CRB1: variants seen among roughly 807,000 people sequenced by gnomAD.
The protein encoded by CRB1 is crumbs cell polarity complex component 1, also known as protein crumbs homolog 1.
A neutral mutation model predicts 120.0 loss-of-function variants in CRB1; 83 were observed. The observed-to-expected ratio is 0.69, with a 90% CI of 0.58 to 0.83. The LOEUF (loss-of-function observed/expected upper bound fraction) is 0.83, where lower values mean the gene tolerates loss of function less well. Ranked by LOEUF, CRB1 falls within the 40% of genes least tolerant of loss-of-function variation. CRB1 has a pLI of 0.00. For missense variants in CRB1, 1,699 were observed against 1,687.6 expected (o/e 1.01, Z -0.12); for synonymous variants, 625 against 612.5 (o/e 1.02, Z -0.30).
intron 4 of CRB1, among the ~76,000 whole-genome samples, chr1:197,353,902 T>C (rs1019973357): frequency 1.3e-5 from 2 of 149,072 alleles, no homozygotes; most frequent in Admixed American, 6.7e-5. Context: ...ATCAGTGTTA[T>C]ATGTGCATCC....
intron 11 of CRB1, among the ~76,000 whole-genome samples, chr1:197,446,506 C>G (rs1665708635): frequency 6.6e-6 from 1 of 152,108 alleles, no homozygotes; most frequent in African/African-American, 2.4e-5. Context: ...TACACCTTGG[C>G]AGAGGCCTTG....
intron 5 of CRB1, among the ~76,000 whole-genome samples, chr1:197,410,572 T>C (rs1307272978): frequency 6.6e-6 from 1 of 152,220 alleles, no homozygotes; most frequent in African/African-American, 2.4e-5. Flanking sequence ...ATTTAATCCT[T>C]ATTAGTGGCC....
intron 5 of CRB1, among the ~76,000 whole-genome samples, chr1:197,360,845 A>T (rs765295207): frequency 2.6e-5 from 4 of 152,204 alleles, no homozygotes; most frequent in Non-Finnish European, 4.4e-5. Context: ...GTCTTGCTTC[A>T]TTCACCATTT....
intron 9 of CRB1, among the ~76,000 whole-genome samples, chr1:197,436,203 T>G (rs962366797): frequency 2.0e-5 from 3 of 152,132 alleles, no homozygotes; most frequent in African/African-American, 7.2e-5. Context: ...ACATATTTTG[T>G]ATGTCATATT....
rs149673749 is a variant in CRB1 at position 197,331,268 on chromosome 1, A to G, written c.652+2265A>G. On this transcript the variant is annotated intron_variant, in intron 2 of 11. Transcript: ENST00000367400. ...GTTCTAAGTTTTACAATTCTTCCAT[A>G]TATTTCTGGGCACCCTTCCCCATCC... Among the ~76,000 whole-genome samples, 29 of 152,284 alleles carry G rather than the reference A, an allele frequency of 1.9e-4. No individual in the cohort carries two copies. In the East Asian group the frequency reaches 4.6e-3, roughly 24 times the overall value.
At chr1:197,416,515 A>C (rs1664011071) in intron 5 of CRB1, among the ~76,000 whole-genome samples, 1 of 152,154 alleles carries the variant, frequency 6.6e-6, no homozygotes. Flanking sequence ...GTACTCTGAG[A>C]GTACATCATA....
At chr1:197,314,135 C>T (rs1657709178) in intron 1 of CRB1, among the ~76,000 whole-genome samples, 1 of 152,204 alleles carries the variant, frequency 6.6e-6, no homozygotes, top group Non-Finnish European at 1.5e-5. Flanking sequence ...TTTCTCCTCT[C>T]CCTCTGGTAC....
intron 5 of CRB1, among the ~76,000 whole-genome samples, chr1:197,385,213 G>T (rs189084045): frequency 6.6e-6 from 1 of 152,256 alleles, no homozygotes; most frequent in African/African-American, 2.4e-5. Context: ...CGAATTAGTT[G>T]TACAACTGTA....
chr1:197,328,284 T>C, intron 1 of CRB1, 138 bp from the exon 2 acceptor site: 1 of 666,894 alleles, frequency 1.5e-6, no homozygotes, highest in Non-Finnish European at 2.6e-6. Context: ...GTAGATGACG[T>C]AGTTTTTTCA....
At chr1:197,415,393 C>T (rs936018971) in intron 5 of CRB1, among the ~76,000 whole-genome samples, 2 of 152,150 alleles carry the variant, frequency 1.3e-5, no homozygotes, top group African/African-American at 4.8e-5. Flanking sequence ...TGACTCCCCA[C>T]TGCCAGAAAA....
chr1:197,435,041 C>G lies in CRB1; in HGVS notation c.3178C>G (p.Pro1060Ala). Residue 1060 changes from proline to alanine, a missense_variant, in exon 9 of 12, where the codon CCT (proline) becomes GCT (alanine). Pro to Ala is a conservative substitution (Grantham distance 27). Coordinates refer to ENST00000367400, the MANE Select transcript of CRB1 (RefSeq NM_201253.3). ...RWQMEVDNET[P>A]FVTSTIATGS... Reference sequence around the variant, plus strand: ...GCAAATGGAAGTGGACAACGAAACACCTTTTGTGACCAGCACAATTGCTAC... The same window carrying G: ...GCAAATGGAAGTGGACAACGAAACAGCTTTTGTGACCAGCACAATTGCTAC... 1 of 1,613,948 alleles carries G rather than the reference C, an allele frequency of 6.2e-7. No homozygotes were observed. The highest frequency in any genetic ancestry group is 8.5e-7 in the Non-Finnish European group (1 of 1,179,906).
intron 5 of CRB1, among the ~76,000 whole-genome samples, chr1:197,397,895 AGT>A (rs1662853166): frequency 6.6e-6 from 1 of 152,160 alleles, no homozygotes; most frequent in Non-Finnish European, 1.5e-5. Flanking sequence ...GTAGTCGCAC[AGT>A]GTATACCTTT....
At chr1:197,284,950 G>C (rs148573533) in intron 1 of CRB1, among the ~76,000 whole-genome samples, 1 of 151,862 alleles carries the variant, frequency 6.6e-6, no homozygotes, top group African/African-American at 2.4e-5. Flanking sequence ...ATCCTATGAT[G>C]TCCTTGAAAT....
chr1:197,334,924 GTA>G (rs769136770), intron 2 of CRB1, among the ~76,000 whole-genome samples: 22 of 152,200 alleles, frequency 1.4e-4, no homozygotes, highest in Non-Finnish European at 2.8e-4. Context: ...TAGATATACT[GTA>G]TATAGTAGGT....
At chr1:197,450,851 T>G (rs1197472271) in intron 11 of CRB1, among the ~76,000 whole-genome samples, 1 of 142,996 alleles carries the variant, frequency 7.0e-6, no homozygotes, top group African/African-American at 2.6e-5. Context: ...TCCCAGCTAC[T>G]TGGGAGGCTG....
At chr1:197,205,933 A>C in the CRB1 span, among the ~76,000 whole-genome samples, 58 of 145,098 alleles carry the variant, frequency 4.0e-4, no homozygotes, top group Non-Finnish European at 7.0e-4. Context: ...CAATTTCACT[A>C]CTTGTTATTG....
intron 11 of CRB1, among the ~76,000 whole-genome samples, chr1:197,463,864 C>T (rs757226701): frequency 2.6e-5 from 4 of 152,092 alleles, no homozygotes; most frequent in African/African-American, 7.2e-5. Flanking sequence ...CTACCTGGAT[C>T]GAATGCTCAA....
chr1:197,285,692 G>A (rs930961221), intron 1 of CRB1, among the ~76,000 whole-genome samples: 4 of 151,800 alleles, frequency 2.6e-5, no homozygotes, highest in African/African-American at 7.3e-5. Flanking sequence ...GCAAAGTGAG[G>A]CTTAACCTGT....
At chr1:197,303,239 G>A (rs953062583) in intron 1 of CRB1, among the ~76,000 whole-genome samples, 1 of 148,088 alleles carries the variant, frequency 6.8e-6, no homozygotes, top group Non-Finnish European at 1.5e-5. Flanking sequence ...CCATTAACTC[G>A]TCATTTAGCA....
Sources: allele counts gnomAD v4.1 joint callset (sites outside exome capture counted in the v4.1 genomes callset), GRCh38; gene constraint gnomAD v4.1.1; transcripts MANE v1.5; gene names NCBI Gene and HGNC (gene_info 2026-07-23, HGNC 2026-07-21).